ANO3: variants seen among roughly 807,000 people sequenced by gnomAD.
ANO3 encodes anoctamin 3, also known as anoctamin-3.
In ANO3, 99 loss-of-function variants were observed where a neutral mutation model predicts 144.8. The ratio of observed to expected loss-of-function variants is 0.68; its 90% CI spans 0.58 to 0.81. The LOEUF (loss-of-function observed/expected upper bound fraction) is 0.81, where lower values mean the gene tolerates loss of function less well. Among genes scored for constraint, ANO3 ranks in the 30% least tolerant of loss-of-function variants. The pLI, the probability that ANO3 is intolerant of heterozygous loss-of-function variation, is 0.00. For missense variants in ANO3, 905 were observed against 1,202.2 expected, an observed-to-expected ratio of 0.75 and a Z score of 3.66; for synonymous variants, 414 against 392.6, an observed-to-expected ratio of 1.05 and a Z score of -0.64.
At chr11:26,394,289 A>G (rs753929802) in intron 1 of ANO3, among the ~76,000 whole-genome samples, 33 of 152,296 alleles carry the variant, frequency 2.2e-4, no homozygotes, top group Middle Eastern at 3.4e-3. Context: ...ACTGAAAACA[A>G]TTTAAAAAAT....
chr11:26,425,817 C>CT (rs1857903187), intron 1 of ANO3, among the ~76,000 whole-genome samples: 1 of 152,058 alleles, frequency 6.6e-6, no homozygotes, highest in East Asian at 1.9e-4. Context: ...ATGGTCTTTT[C>CT]TAAGTGTCTT....
Position 26,559,787 on chromosome 11 carries a change from C to G in ANO3, c.1447+8C>G. On this transcript the variant is annotated splice_region_variant and intron_variant, in intron 14 of 26. Coordinates refer to ENST00000256737, the MANE Select transcript of ANO3 (RefSeq NM_031418.4). ...TTTTTATGGCAATATGGGGTAAGTA[C>G]TTTCTTCATTACTTTCTATCCCTTA... 1 of 1,592,004 alleles carries G rather than the reference C, an allele frequency of 6.3e-7. No homozygotes were observed. The highest frequency in any genetic ancestry group is 1.9e-4 in the Middle Eastern group (1 of 5,290).
chr11:26,531,248 A>G lies in ANO3; in HGVS notation c.781A>G (p.Asn261Asp), dbSNP rs1451226507. The G allele has an allele frequency of 6.2e-7, 1 of 1,614,096 alleles. No individual in the cohort carries two copies. Among genetic ancestry groups the G allele is most frequent in the East Asian group, 2.2e-5 (1 of 44,858 alleles). The change falls in exon 8 of 27, where the codon AAC becomes GAC. Residue 261 changes from asparagine (N) to aspartate (D), a missense_variant. Asn to Asp is a conservative substitution (Grantham distance 23, BLOSUM62 1). Around this residue, in one of 4 missense-constraint regions of ANO3, gnomAD observed 71 missense variants for 57.9 expected, o/e 1.23. Transcript: ENST00000256737. The part of the protein sequence containing the change: ...FRRIKNWMAQ[N>D]PMVLDKSAFP... ...AAGAATCAAAAACTGGATGGCCCAAAACCCAATGGTTCTTGACAAGTCAGC... is the reference window on the plus strand; with the variant it reads ...AAGAATCAAAAACTGGATGGCCCAAGACCCAATGGTTCTTGACAAGTCAGC...
intron 1 of ANO3, among the ~76,000 whole-genome samples, chr11:26,393,617 T>C (rs778965426): frequency 3.9e-5 from 6 of 152,194 alleles, no homozygotes; most frequent in Non-Finnish European, 7.3e-5. Flanking sequence ...AAATTAAATT[T>C]ATGTAATCAT....
At chr11:26,417,078 T>C (rs1473149074) in intron 1 of ANO3, among the ~76,000 whole-genome samples, 1 of 152,122 alleles carries the variant, frequency 6.6e-6, no homozygotes, top group Non-Finnish European at 1.5e-5. Flanking sequence ...ATTCATTCTC[T>C]AGAACCATGG....
intron 1 of ANO3, among the ~76,000 whole-genome samples, chr11:26,412,304 C>A (rs890249373): frequency 6.6e-6 from 1 of 151,786 alleles, no homozygotes. Context: ...AATGGTTGAG[C>A]ACAATGTGTG....
rs1856711092 is a variant in ANO3 at position 26,385,824 on chromosome 11, TACA to T, written c.46+53504_46+53506del. Among the ~76,000 whole-genome samples the T allele has an allele frequency of 4.4e-5, 6 of 137,910 alleles. No homozygotes were observed. In the East Asian group the frequency reaches 1.4e-3, roughly 33 times the overall value. 90.5% of individuals were successfully genotyped at this position (137,910 alleles called of 152,430 possible). On this transcript the variant is annotated intron_variant, in intron 1 of 26. Transcript: ENST00000256737. ...GTGTGATGTCCAAGTTTCACACACA[TACA>T]CACACACACACACACACACACACAT...
chr11:26,610,177 C>G (rs34322405), intron 17 of ANO3, among the ~76,000 whole-genome samples: 129 of 152,306 alleles, frequency 8.5e-4, no homozygotes, highest in Non-Finnish European at 1.3e-3. Context: ...TTCCTAAGTG[C>G]TGGGATTACA....
At chr11:26,323,964 C>T (rs559710343) in intron 1 of ANO3, among the ~76,000 whole-genome samples, 1 of 152,340 alleles carries the variant, frequency 6.6e-6, no homozygotes, top group South Asian at 2.1e-4. Context: ...AGCTGCCTAG[C>T]AGCACATGCT....
chr11:26,393,264 A>T (rs1856927156), intron 1 of ANO3, among the ~76,000 whole-genome samples: 1 of 151,950 alleles, frequency 6.6e-6, no homozygotes, highest in Non-Finnish European at 1.5e-5. Flanking sequence ...CCTCATCTTG[A>T]CCTGCTTCTG....
intron 24 of ANO3, among the ~76,000 whole-genome samples, chr11:26,649,005 T>G (rs762164808): frequency 1.3e-5 from 2 of 152,254 alleles, no homozygotes; most frequent in African/African-American, 4.8e-5. Context: ...ATTTCCTTTA[T>G]GTATTGCATA....
intron 8 of ANO3, 76 bp downstream of exon 8, chr11:26,531,412 G>C: frequency 1.4e-6 from 2 of 1,456,496 alleles, no homozygotes; most frequent in Admixed American, 2.5e-5. Flanking sequence ...AAACACCTGG[G>C]ACCATTTCCA....
intron 4 of ANO3, among the ~76,000 whole-genome samples, chr11:26,466,306 T>C (rs1390693749): frequency 1.3e-5 from 2 of 152,012 alleles, no homozygotes; most frequent in East Asian, 1.9e-4. Flanking sequence ...ATAGGAGTTA[T>C]ATTTAAATAT....
intron 1 of ANO3, among the ~76,000 whole-genome samples, chr11:26,256,895 G>A (rs1853070012): frequency 6.6e-6 from 1 of 151,888 alleles, no homozygotes; most frequent in African/African-American, 2.4e-5. Flanking sequence ...ATTTTTGGTT[G>A]TTACCACAGG....
At chr11:26,655,370 T>C (rs894800254) in intron 24 of ANO3, among the ~76,000 whole-genome samples, 1 of 152,166 alleles carries the variant, frequency 6.6e-6, no homozygotes, top group African/African-American at 2.4e-5. Context: ...AAAGAATAGG[T>C]GATTGCCAAT....
intron 1 of ANO3, among the ~76,000 whole-genome samples, chr11:26,397,083 C>T (rs914136249): frequency 9.9e-5 from 15 of 151,900 alleles, no homozygotes; most frequent in African/African-American, 3.1e-4. Flanking sequence ...TCTTATTCTC[C>T]TCAGTTCATA....
chr11:26,189,509 A>G (rs1239166578), intron 1 of ANO3, among the ~76,000 whole-genome samples: 1 of 152,218 alleles, frequency 6.6e-6, no homozygotes, highest in Non-Finnish European at 1.5e-5. Flanking sequence ...GAAATAAAAA[A>G]TAGAGGGCTG....
chr11:26,454,904 C>T (rs990716073), intron 3 of ANO3, among the ~76,000 whole-genome samples: 2 of 147,668 alleles, frequency 1.4e-5, no homozygotes, highest in Non-Finnish European at 3.0e-5. Context: ...CCCTGGGATG[C>T]AAGGCTGGTT....
chr11:26,452,608 T>C (rs1435843479), intron 3 of ANO3, among the ~76,000 whole-genome samples: 2 of 152,136 alleles, frequency 1.3e-5, no homozygotes, highest in African/African-American at 4.8e-5. Flanking sequence ...ATCTGATTGG[T>C]ATACCTGAAA....
Sources: allele counts gnomAD v4.1 joint callset (sites outside exome capture counted in the v4.1 genomes callset), GRCh38; gene constraint gnomAD v4.1.1; regional missense constraint gnomAD v4.1.1; transcripts MANE v1.5; gene names NCBI Gene and HGNC (gene_info 2026-07-23, HGNC 2026-07-21).